Variants in HUNK observed in about 807,000 individuals in gnomAD.
The protein encoded by HUNK is hormonally up-regulated Neu-associated kinase.
A neutral mutation model predicts 61.0 loss-of-function variants in HUNK; 21 were observed. That is an observed-to-expected ratio of 0.34 (90% CI 0.24 to 0.50). HUNK has a LOEUF of 0.50. Among genes scored for constraint, HUNK ranks in the 20% least tolerant of loss-of-function variants. The pLI is 0.98. For synonymous variants in HUNK, 371 were observed against 386.1 expected (o/e 0.96, Z 0.46); for missense variants, 772 against 945.7 (o/e 0.82, Z 2.41).
chr21:31,957,399 A>G (rs1032597711), intron 4 of HUNK, among the ~76,000 whole-genome samples: 1 of 152,204 alleles, frequency 6.6e-6, no homozygotes, highest in Non-Finnish European at 1.5e-5. Context: ...AGGTCTTACT[A>G]TATGTCTGAA....
intron 7 of HUNK, among the ~76,000 whole-genome samples, chr21:31,980,871 A>AT (rs1225652048): frequency 9.9e-5 from 15 of 151,904 alleles, no homozygotes; most frequent in African/African-American, 3.6e-4. Flanking sequence ...TGCCCAGGTA[A>AT]TTTTGTATTT....
At chr21:31,882,776 A>G (rs2052318082) in intron 1 of HUNK, among the ~76,000 whole-genome samples, 1 of 152,186 alleles carries the variant, frequency 6.6e-6, no homozygotes, top group African/African-American at 2.4e-5. Flanking sequence ...GTATGTTTGT[A>G]CCCATGAACC....
At chr21:31,973,319 A>G (rs1443538233) in intron 6 of HUNK, among the ~76,000 whole-genome samples, 3 of 151,766 alleles carry the variant, frequency 2.0e-5, no homozygotes, top group African/African-American at 7.3e-5. Flanking sequence ...CCCCTTCCCC[A>G]CCACAGGCCC....
intron 4 of HUNK, among the ~76,000 whole-genome samples, chr21:31,953,464 C>T (rs2052866410): frequency 6.6e-6 from 1 of 152,200 alleles, no homozygotes; most frequent in Non-Finnish European, 1.5e-5. Flanking sequence ...GAACTTCTGA[C>T]CTCTGGTGAT....
chr21:31,917,074 T>G (rs992892734), intron 1 of HUNK, among the ~76,000 whole-genome samples: 1 of 152,250 alleles, frequency 6.6e-6, no homozygotes, highest in African/African-American at 2.4e-5. Context: ...CATTGCTTTC[T>G]TATGAGCTTA....
chr21:31,887,748 T>G (rs2052357305), intron 1 of HUNK, among the ~76,000 whole-genome samples: 2 of 152,260 alleles, frequency 1.3e-5, no homozygotes, highest in African/African-American at 4.8e-5. Context: ...AAAGGAACAG[T>G]GGATGTTGTA....
chr21:31,892,939 CT>C (rs933870336), intron 1 of HUNK, among the ~76,000 whole-genome samples: 1 of 150,784 alleles, frequency 6.6e-6, no homozygotes, highest in Admixed American at 6.9e-5. Context: ...ACCCTGCCCC[CT>C]GCCTCAAGGC....
chr21:31,931,560 G>A (rs1333134103), intron 2 of HUNK, among the ~76,000 whole-genome samples: 3 of 152,000 alleles, frequency 2.0e-5, no homozygotes, highest in Non-Finnish European at 4.4e-5. Flanking sequence ...TGACTTGCCC[G>A]GGCCGGGTTG....
chr21:31,925,451 G>C (rs1269002942), intron 2 of HUNK, among the ~76,000 whole-genome samples: 2 of 152,206 alleles, frequency 1.3e-5, no homozygotes. Context: ...GAGACCAGTT[G>C]TTTAGGTGCC....
intron 3 of HUNK, among the ~76,000 whole-genome samples, chr21:31,944,369 G>A (rs2052788344): frequency 6.6e-6 from 1 of 152,228 alleles, no homozygotes; most frequent in South Asian, 2.1e-4. Context: ...ATGGGCCACT[G>A]TCCCCGGCAG....
chr21:31,996,499 C>T (rs752621283), intron 10 of HUNK, among the ~76,000 whole-genome samples: 6 of 152,162 alleles, frequency 3.9e-5, no homozygotes, highest in Non-Finnish European at 7.3e-5. Context: ...GAGTCAGAAT[C>T]CAGCCCATCA....
intron 1 of HUNK, among the ~76,000 whole-genome samples, chr21:31,891,982 T>A (rs2052390615): frequency 6.6e-6 from 1 of 151,982 alleles, no homozygotes; most frequent in African/African-American, 2.4e-5. Context: ...TGGTGTTATG[T>A]ACTAAAGCAC....
At position 31,931,144 on chromosome 21, in the gene HUNK, T is replaced by A. The variant is rs73903704; in HGVS notation, c.554+6384T>A. Among the ~76,000 whole-genome samples the A allele has an allele frequency of 4.5e-3, 675 of 150,686 alleles. 5 individuals are homozygous for A. Among genetic ancestry groups the A allele is most frequent in the African/African-American group, 0.015 (608 of 40,986 alleles). ...CTTGGGGAGTTATGTGCTTGGGGAG[T>A]TTGGGATGCTTTATTCTTAGTTTAT... is the stretch of plus-strand genomic sequence containing the variant. On this transcript the variant is annotated intron_variant, in intron 2 of 10. Coordinates refer to ENST00000270112, the MANE Select transcript of HUNK (RefSeq NM_014586.2).
chr21:31,948,347 G>C (rs890964876), intron 4 of HUNK, among the ~76,000 whole-genome samples: 1 of 152,180 alleles, frequency 6.6e-6, no homozygotes, highest in African/African-American at 2.4e-5. Context: ...AGTTCCTTCG[G>C]CCTGGAACCC....
chr21:31,903,545 C>T (rs759630361), intron 1 of HUNK, among the ~76,000 whole-genome samples: 11 of 152,108 alleles, frequency 7.2e-5, no homozygotes, highest in African/African-American at 1.7e-4. Context: ...TACAGCTAGG[C>T]GGTTGACTAA....
At chr21:31,915,122 A>G (rs1009545670) in intron 1 of HUNK, among the ~76,000 whole-genome samples, 1 of 151,252 alleles carries the variant, frequency 6.6e-6, no homozygotes, top group Non-Finnish European at 1.5e-5. Context: ...TACTCCAGTG[A>G]CCATTTTCTA....
rs775627966 is a variant in HUNK, at chr21:31,999,104, G to A, written c.2065G>A (p.Ala689Thr). ...GCCATCTGCAGATAGGCCCCTGGAG[G>A]CCAGCCTGCCCCCACTGCAGCCCCT... is the stretch of plus-strand genomic sequence containing the variant. ...LQPSADRPLE[A>T]SLPPLQPLAP... The change falls in exon 11 of 11, where the codon GCC (alanine) becomes ACC (threonine). Residue 689 changes from alanine to threonine, a missense_variant. Coordinates refer to ENST00000270112, the MANE Select transcript of HUNK (RefSeq NM_014586.2). The A allele has an allele frequency of 1.2e-6, 2 of 1,614,182 alleles. No homozygotes were observed. The highest frequency in any genetic ancestry group is 4.5e-5 in the East Asian group (2 of 44,870).
chr21:31,921,110 G>A (rs1007847707), intron 1 of HUNK, among the ~76,000 whole-genome samples: 1 of 127,536 alleles, frequency 7.8e-6, no homozygotes, highest in Non-Finnish European at 1.6e-5. Flanking sequence ...CGCCAAGATT[G>A]TGCCACTGCA....
chr21:31,944,630 T>A (rs73193430), intron 3 of HUNK, among the ~76,000 whole-genome samples: 10,691 of 146,970 alleles, frequency 0.073, 481 homozygotes, highest in African/African-American at 0.11. Flanking sequence ...GAGGGAAGAG[T>A]AAGGGAGTCA....
Sources: allele counts gnomAD v4.1 joint callset (sites outside exome capture counted in the v4.1 genomes callset), GRCh38; gene constraint gnomAD v4.1.1; transcripts MANE v1.5; gene names NCBI Gene and HGNC (gene_info 2026-07-23, HGNC 2026-07-21).